The following ZFHX3 variants were observed in gnomAD, a reference collection of about 807,000 sequenced individuals.
ZFHX3 encodes the protein zinc finger homeobox 3.
In ZFHX3, 42 loss-of-function variants were observed where a neutral mutation model predicts 279.1. That is an observed-to-expected ratio of 0.15 (90% CI 0.12 to 0.19). The LOEUF (loss-of-function observed/expected upper bound fraction) is 0.19. Among genes scored for constraint, ZFHX3 ranks in the 10% least tolerant of loss-of-function variants. The pLI, the probability that ZFHX3 is intolerant of heterozygous loss-of-function variation, is 1.00. For synonymous variants in ZFHX3, 2,293 were observed against 1,957.8 expected (o/e 1.17, Z -4.52); for missense variants, 4,981 against 4,754.0 (o/e 1.05, Z -1.40).
At chr16:73,204,875 C>T (rs959191990) in intron 5 of ZFHX3, among the ~76,000 whole-genome samples, 1 of 152,222 alleles carries the variant, frequency 6.6e-6, no homozygotes. Flanking sequence ...AGTTAGGCAA[C>T]TTGCCCATAG....
chr16:72,890,094 A>G (rs1434998210), intron 3 of ZFHX3, 132 bp from the exon 4 acceptor site: 1 of 757,550 alleles, frequency 1.3e-6, no homozygotes, highest in Non-Finnish European at 2.1e-6. Context: ...CAAACAGGAC[A>G]GTCTTTGATA....
chr16:73,093,187 T>G (rs1047155363), intron 8 of ZFHX3: 1 of 519,952 alleles, frequency 1.9e-6, no homozygotes, highest in South Asian at 1.4e-5. Context: ...TTCGGGAAAC[T>G]CTGGACGACC....
At chr16:73,765,103 C>G (rs935424389) in intron 1 of ZFHX3, among the ~76,000 whole-genome samples, 1 of 152,164 alleles carries the variant, frequency 6.6e-6, no homozygotes, top group Non-Finnish European at 1.5e-5. Context: ...TGCTAAAAGG[C>G]CACCTTCATT....
chr16:73,075,312 C>T (rs556568414), intron 8 of ZFHX3, among the ~76,000 whole-genome samples: 114 of 151,544 alleles, frequency 7.5e-4, no homozygotes, highest in African/African-American at 2.7e-3. Context: ...AGAATGATCC[C>T]CAACTTGAAA....
At chr16:73,872,475 C>T (rs2029864736) in intron 1 of ZFHX3, among the ~76,000 whole-genome samples, 1 of 151,784 alleles carries the variant, frequency 6.6e-6, no homozygotes, top group Non-Finnish European at 1.5e-5. Context: ...CCTCAAGTGA[C>T]CAGCCTGCCT....
At chr16:73,127,676 A>T in intron 7 of ZFHX3, 1 of 1,185,712 alleles carries the variant, frequency 8.4e-7, no homozygotes. Context: ...TTCATTTAAA[A>T]CCCCGATGCT....
chr16:73,883,680 T>A (rs1308403968), intron 1 of ZFHX3, among the ~76,000 whole-genome samples: 3 of 151,852 alleles, frequency 2.0e-5, no homozygotes, highest in Non-Finnish European at 4.4e-5. Context: ...TACTAGATGA[T>A]TCCTTAGGGA....
rs928775611 is a variant in ZFHX3, at chr16:73,464,457, A to G, written c.-1546-8199T>C. Among the ~76,000 whole-genome samples, 6 of 151,944 alleles carry G rather than the reference A, an allele frequency of 3.9e-5. No individual in the cohort carries two copies. The South Asian group carries it at 8.3e-4, about 21-fold the overall frequency. On this transcript the variant is annotated intron_variant, in intron 2 of 17. Coordinates refer to the ZFHX3 transcript ENST00000641206. Reference sequence around the variant, plus strand: ...TATTCTTGGATATCAATTTAAGAAAAAAAAAAAAAAGTCAGCTTTCAGATG... The same window carrying G: ...TATTCTTGGATATCAATTTAAGAAAGAAAAAAAAAAGTCAGCTTTCAGATG...
intron 2 of ZFHX3, among the ~76,000 whole-genome samples, chr16:73,524,917 C>T (rs1324769063): frequency 6.6e-6 from 1 of 152,172 alleles, no homozygotes; most frequent in Non-Finnish European, 1.5e-5. Flanking sequence ...AGCAATTAAA[C>T]AGAAGCTCTT....
At chr16:73,584,436 T>C (rs2051897004) in intron 2 of ZFHX3, among the ~76,000 whole-genome samples, 1 of 152,148 alleles carries the variant, frequency 6.6e-6, no homozygotes, top group African/African-American at 2.4e-5. Flanking sequence ...CTGCTGATCA[T>C]CAACAATGGA....
intron 1 of ZFHX3, among the ~76,000 whole-genome samples, chr16:73,002,238 C>G (rs1265978855): frequency 6.6e-6 from 1 of 152,182 alleles, no homozygotes; most frequent in African/African-American, 2.4e-5. Flanking sequence ...ACATGCTGAA[C>G]AAGCTTCTAC....
chr16:73,294,731 G>C (rs2014863792), intron 4 of ZFHX3, among the ~76,000 whole-genome samples: 1 of 151,362 alleles, frequency 6.6e-6, no homozygotes, highest in Non-Finnish European at 1.5e-5. Flanking sequence ...AGAATCACTT[G>C]AACCCGGGAG....
At chr16:73,036,354 C>T (rs907250611) in intron 1 of ZFHX3, among the ~76,000 whole-genome samples, 1 of 152,166 alleles carries the variant, frequency 6.6e-6, no homozygotes, top group Non-Finnish European at 1.5e-5. Flanking sequence ...CAGAGGCACA[C>T]AATTACAGCC....
At chr16:73,288,765 G>A (rs1360035291) in intron 4 of ZFHX3, among the ~76,000 whole-genome samples, 3 of 151,928 alleles carry the variant, frequency 2.0e-5, no homozygotes, top group Non-Finnish European at 4.4e-5. Context: ...AGTGCATTAC[G>A]GGCACATGCA....
At chr16:72,911,164 G>A (rs569918916) in intron 3 of ZFHX3, among the ~76,000 whole-genome samples, 3 of 152,358 alleles carry the variant, frequency 2.0e-5, no homozygotes, top group African/African-American at 7.2e-5. Flanking sequence ...CCAGACTTGG[G>A]CAGTAAGGGA....
At chr16:73,478,103 T>C (rs1413037399) in intron 2 of ZFHX3, among the ~76,000 whole-genome samples, 1 of 151,850 alleles carries the variant, frequency 6.6e-6, no homozygotes. Flanking sequence ...AAACCCCGTC[T>C]CTACTAAAAA....
chr16:73,194,688 C>T (rs1463394794), intron 5 of ZFHX3, among the ~76,000 whole-genome samples: 1 of 152,152 alleles, frequency 6.6e-6, no homozygotes, highest in African/African-American at 2.4e-5. Context: ...AGTGGTATGC[C>T]TTTGATGCAT....
chr16:73,775,207 C>G (rs927152664), intron 1 of ZFHX3, among the ~76,000 whole-genome samples: 1 of 152,212 alleles, frequency 6.6e-6, no homozygotes, highest in South Asian at 2.1e-4. Flanking sequence ...GCACCTTCAA[C>G]CCTGCTTCGA....
intron 1 of ZFHX3, among the ~76,000 whole-genome samples, chr16:72,980,495 A>T (rs1397192349): frequency 6.6e-6 from 1 of 152,104 alleles, no homozygotes; most frequent in East Asian, 1.9e-4. Context: ...GCAGTGGCTC[A>T]AACCTCAAGT....
Sources: allele counts gnomAD v4.1 joint callset (sites outside exome capture counted in the v4.1 genomes callset), GRCh38; gene constraint gnomAD v4.1.1; transcripts MANE v1.5; gene names NCBI Gene and HGNC (gene_info 2026-07-23, HGNC 2026-07-21).